MTRR: variants seen among roughly 807,000 people sequenced by gnomAD.
MTRR encodes the protein methionine synthase reductase.
In MTRR, 63 loss-of-function variants were observed where a neutral mutation model predicts 79.2. The observed-to-expected ratio is 0.80, with a 90% confidence interval of 0.65 to 0.98. The LOEUF (loss-of-function observed/expected upper bound fraction) is 0.98. Ranked by LOEUF, MTRR falls within the 50% of genes least tolerant of loss-of-function variation. MTRR has a pLI of 0.00. For missense variants in MTRR, 895 were observed against 839.6 expected, an observed-to-expected ratio of 1.07 and a Z score of -0.82; for synonymous variants, 355 against 313.3, an observed-to-expected ratio of 1.13 and a Z score of -1.41.
At chr5:7,877,523 G>C (rs868600708) in intron 4 of MTRR, among the ~76,000 whole-genome samples, 1 of 141,272 alleles carries the variant, frequency 7.1e-6, no homozygotes, top group African/African-American at 2.8e-5. Flanking sequence ...AAAAAAAAAA[G>C]GTGCATTTGA....
chr5:7,869,149 G>C lies in MTRR; in HGVS notation c.-92G>C, dbSNP rs766829255. 75 of 1,613,070 alleles carry C rather than the reference G, an allele frequency of 4.6e-5. No individual in the cohort carries two copies. The Admixed American group carries it at 1.2e-3, about 26-fold the overall frequency. ...GGTACCGAGCATGGGCGCTGCGTCA[G>C]TGCGCGCTGGCGCAAGGTTGGTGGA... On this transcript the variant is annotated 5_prime_UTR_variant, in exon 1 of 15. Coordinates refer to ENST00000440940, the MANE Select transcript of MTRR (RefSeq NM_002454.3).
intron 12 of MTRR, 151 bp downstream of exon 12, chr5:7,896,003 A>G (rs1738447984): frequency 9.4e-7 from 1 of 1,058,642 alleles, no homozygotes; most frequent in African/African-American, 1.6e-5. Flanking sequence ...CCATGGGAAA[A>G]GTAAACACAA....
At chr5:7,859,652 C>G (rs1746389438) in intron 1 of MTRR, 2 of 623,284 alleles carry the variant, frequency 3.2e-6, no homozygotes, top group East Asian at 5.9e-5. Flanking sequence ...AATGTAAGCT[C>G]CTGGAAGGCA....
upstream of MTRR, chr5:7,867,301 T>A (rs777898087): frequency 5.6e-6 from 9 of 1,613,692 alleles, no homozygotes; most frequent in Non-Finnish European, 7.6e-6. Context: ...CCTGCAAGAT[T>A]CTATAAAGGG....
chr5:7,894,098 T>C (rs1339566467), intron 11 of MTRR, among the ~76,000 whole-genome samples: 1 of 152,206 alleles, frequency 6.6e-6, no homozygotes, highest in East Asian at 1.9e-4. Flanking sequence ...CTACTCCTCC[T>C]TTCCTCCCTC....
chr5:7,867,453 C>G, upstream of MTRR: 1 of 1,614,206 alleles, frequency 6.2e-7, no homozygotes, highest in East Asian at 2.2e-5. Context: ...TCCATGCCAC[C>G]TTTTCTGAGA....
Position 7,897,138 on chromosome 5 carries a change from G to C in MTRR, c.1843G>C (p.Val615Leu). 6.2e-7 allele frequency: 1 copy of C among 1,614,144 alleles called. No homozygotes were observed. The highest frequency in any genetic ancestry group is 8.5e-7 in the Non-Finnish European group (1 of 1,180,016). Residue 615 changes from valine (V) to leucine (L), a missense_variant, in exon 14 of 15, where the codon GTT (valine) becomes CTT (leucine). Coordinates refer to ENST00000440940, the MANE Select transcript of MTRR (RefSeq NM_002454.3). ...GGTTTCCTTCTCAAGAGATGCTCCT[G>C]TTGGGGAGGAGGAAGCCCCAGCAAA... ...LKVSFSRDAPVGEEEAPAKYV... is the reference protein window; with the variant it reads ...LKVSFSRDAPLGEEEAPAKYV...
intron 4 of MTRR, among the ~76,000 whole-genome samples, chr5:7,876,511 G>A (rs1163193516): frequency 1.3e-5 from 2 of 152,200 alleles, no homozygotes; most frequent in African/African-American, 4.8e-5. Context: ...ATGCTTGACT[G>A]TATATTTCAG....
chr5:7,889,270 T>C lies in MTRR; in HGVS notation c.1322T>C (p.Leu441Pro). The change falls in exon 9 of 15, where the codon CTG becomes CCG. Residue 441 changes from leucine (L) to proline (P), a missense_variant. Physicochemically the swap from Leu to Pro is moderately conservative, Grantham distance 98. Coordinates refer to ENST00000440940, the MANE Select transcript of MTRR (RefSeq NM_002454.3). ...FPSCQPPLSL[L>P]LEHLPKLQPR... ...TCTTGCCAGCCACCACTCAGTCTCC[T>C]GCTCGGTGAGTAGTCGCTTTCACAA... The C allele has an allele frequency of 6.2e-7, 1 of 1,612,696 alleles. No homozygotes were observed. The highest frequency in any genetic ancestry group is 8.5e-7 in the Non-Finnish European group (1 of 1,180,014).
chr5:7,851,256 C>G (rs1579508924), exon 1 of MTRR: 1 of 412,612 alleles, frequency 2.4e-6, no homozygotes. Context: ...CCTGGGGTCT[C>G]TCCTTCCTTC....
At chr5:7,884,776 G>A (rs1237374970) in intron 6 of MTRR, among the ~76,000 whole-genome samples, 12 of 152,060 alleles carry the variant, frequency 7.9e-5, no homozygotes, top group South Asian at 2.1e-4. Context: ...TAGCTCAACC[G>A]TTTATTTTAT....
chr5:7,869,904 A>G (rs1293176696), intron 1 of MTRR: 2 of 229,268 alleles, frequency 8.7e-6, no homozygotes, highest in African/African-American at 4.7e-5. Flanking sequence ...ACTCATTCAG[A>G]TAACTTATCG....
chr5:7,867,782 A>T (rs1561113836), upstream of MTRR: 1 of 1,614,124 alleles, frequency 6.2e-7, no homozygotes, highest in African/African-American at 1.3e-5. Context: ...CCTGTAAAAC[A>T]TCTGACTCTC....
chr5:7,892,692 T>C (rs1270937031), intron 10 of MTRR, 35 bp from the exon 11 acceptor site: 4 of 1,606,358 alleles, frequency 2.5e-6, no homozygotes, highest in African/African-American at 1.3e-5. Context: ...GTAGTACTGA[T>C]ATCGAGTTCA....
chr5:7,867,485 AG>A, upstream of MTRR: 1 of 1,614,266 alleles, frequency 6.2e-7, no homozygotes, highest in Non-Finnish European at 8.5e-7. Flanking sequence ...TTCTGCCACC[AG>A]GTTCAGCAAC....
chr5:7,873,802 G>A (rs1278441563), intron 3 of MTRR, among the ~76,000 whole-genome samples: 1 of 152,164 alleles, frequency 6.6e-6, no homozygotes, highest in Non-Finnish European at 1.5e-5. Flanking sequence ...AATAGCAGTG[G>A]CTGGGCCTCA....
At chr5:7,892,397 C>T (rs1737754518) in intron 10 of MTRR, among the ~76,000 whole-genome samples, 1 of 151,884 alleles carries the variant, frequency 6.6e-6, no homozygotes, top group Non-Finnish European at 1.5e-5. Context: ...AGAATTTATC[C>T]CCATTTCTTC....
At chr5:7,899,133 G>A (rs1316864169) in intron 14 of MTRR, among the ~76,000 whole-genome samples, 4 of 151,982 alleles carry the variant, frequency 2.6e-5, no homozygotes, top group Non-Finnish European at 4.4e-5. Context: ...TCATTACAGC[G>A]AGCATAACAT....
intron 2 of MTRR, chr5:7,872,092 C>A: frequency 4.0e-6 from 1 of 252,724 alleles, no homozygotes. Context: ...AATATCCTTC[C>A]TATTTCACAT....
Sources: allele counts gnomAD v4.1 joint callset (sites outside exome capture counted in the v4.1 genomes callset), GRCh38; gene constraint gnomAD v4.1.1; transcripts MANE v1.5; gene names NCBI Gene and HGNC (gene_info 2026-07-23, HGNC 2026-07-21).